Variants in SFI1 observed in about 807,000 individuals in gnomAD.
The protein encoded by SFI1 is SFI1 centrin binding protein.
SFI1 carries 195 observed loss-of-function variants against 207.5 expected under a neutral mutation model. That is an observed-to-expected ratio of 0.94 (90% CI 0.84 to 1.06). SFI1 has a LOEUF of 1.06. Ranked by LOEUF, SFI1 falls within the 50% of genes least tolerant of loss-of-function variation. SFI1 has a pLI of 0.00. For synonymous variants in SFI1, 630 were observed against 598.9 expected (o/e 1.05, Z -0.76); for missense variants, 1,634 against 1,588.0 (o/e 1.03, Z -0.49).
intron 1 of SFI1, chr22:31,497,201 G>A (rs935155836): frequency 1.3e-5 from 2 of 152,200 alleles, no homozygotes; most frequent in African/African-American, 4.8e-5. Context: ...AATGAATGAT[G>A]TGAGGGACTT....
Position 31,573,048 on chromosome 22 carries a change from T to C in SFI1, c.766-10T>C. ...TCTCCTTTGACTGTTGCCTCTTCTCTGGTTTTCAGGCTTGGTCACAGTGGC... is the reference window on the plus strand; with the variant it reads ...TCTCCTTTGACTGTTGCCTCTTCTCCGGTTTTCAGGCTTGGTCACAGTGGC... On this transcript the variant is annotated splice_polypyrimidine_tract_variant and intron_variant, in intron 8 of 32. Coordinates refer to ENST00000400288, the MANE Select transcript of SFI1 (RefSeq NM_001007467.3). The C allele has an allele frequency of 1.2e-6, 2 of 1,612,800 alleles. No individual in the cohort carries two copies. The highest frequency in any genetic ancestry group is 1.7e-6 in the Non-Finnish European group (2 of 1,179,220).
intron 20 of SFI1, 109 bp downstream of exon 20, chr22:31,605,054 GT>G (rs2068739607): frequency 1.1e-6 from 1 of 910,670 alleles, no homozygotes; most frequent in African/African-American, 1.7e-5. Flanking sequence ...ATGATCCCGG[GT>G]TCCTAGTCGC....
At chr22:31,604,074 C>T (rs2068552895) in intron 18 of SFI1, among the ~76,000 whole-genome samples, 2 of 152,188 alleles carry the variant, frequency 1.3e-5, no homozygotes, top group Admixed American at 6.5e-5. Flanking sequence ...TACAGGAGTC[C>T]TACGTCCTAC....
At chr22:31,568,531 CAAAAAA>C (rs60447566) in intron 8 of SFI1, among the ~76,000 whole-genome samples, 8 of 37,432 alleles carry the variant, frequency 2.1e-4, no homozygotes, top group Non-Finnish European at 4.0e-4. Flanking sequence ...GACCCTGTCT[CAAAAAA>C]AAAAAAAAAA....
At chr22:31,602,462 C>T (rs2068276674) in intron 16 of SFI1, 145 bp from the exon 17 acceptor site, 18 of 1,136,468 alleles carry the variant, frequency 1.6e-5, no homozygotes, top group African/African-American at 1.5e-5. Context: ...TCAGTGGAGC[C>T]TACAGACAGC....
At position 31,611,151 on chromosome 22, in the gene SFI1, C is replaced by T. The variant is rs145181683; in HGVS notation, c.2263C>T (p.Arg755Trp). ...ACTTGGATCTGCCTTAGGCTGTCTGCGGACCTGGTTTCAGCGCTGGTGGGA... is the reference window on the plus strand; with the variant it reads ...ACTTGGATCTGCCTTAGGCTGTCTGTGGACCTGGTTTCAGCGCTGGTGGGA... ...AQKVLDRGCLRTWFQRWWDCS... is the reference protein window; with the variant it reads ...AQKVLDRGCLWTWFQRWWDCS... Residue 755 changes from arginine (R) to tryptophan (W), a missense_variant, in exon 23 of 33, where the codon CGG (arginine) becomes TGG (tryptophan). Physicochemically the swap from Arg to Trp is moderately radical, Grantham distance 101 (BLOSUM62 -3). Coordinates refer to ENST00000400288, the MANE Select transcript of SFI1 (RefSeq NM_001007467.3). 5.3e-3 allele frequency: 8,592 copies of T among 1,614,190 alleles called. 640 individuals carry two copies. The Admixed American group carries it at 0.13, about 24-fold the overall frequency.
At position 31,545,545 on chromosome 22, in the gene SFI1, T is replaced by TTTTAA. The variant is rs199762639; in HGVS notation, c.339-1277_339-1273dup. On this transcript the variant is annotated intron_variant, in intron 4 of 32. Transcript: ENST00000400288. ...CTTATTTTTTGGGTAGAGATGGAGTTTTTAATTTAATTTAATTTAATTTAA... is the reference window on the plus strand; with the variant it reads ...CTTATTTTTTGGGTAGAGATGGAGTTTTTAATTTAATTTAATTTAATTTAATTTAA... Among the ~76,000 whole-genome samples the TTTTAA allele has an allele frequency of 6.8e-3, 909 of 134,348 alleles. 6 individuals are homozygous for TTTTAA. Among genetic ancestry groups the TTTTAA allele is most frequent in the African/African-American group, 0.021 (674 of 32,400 alleles). 88.1% of individuals were successfully genotyped at this position (134,348 alleles called of 152,430 possible).
rs568512500 is a variant in SFI1, at chr22:31,516,756, A to G, written c.92+8380A>G. On this transcript the variant is annotated intron_variant, in intron 2 of 32. Transcript: ENST00000400288. The stretch of plus-strand genomic sequence containing the variant: ...GATCACCTGAGGTCGGGAGTTCGAG[A>G]CCAGCCTGACCAACATGGAGAAACC... Among the ~76,000 whole-genome samples the G allele has an allele frequency of 4.1e-3, 616 of 151,788 alleles. 4 individuals carry two copies. The highest frequency in any genetic ancestry group is 0.014 in the African/African-American group (567 of 41,342).
intron 13 of SFI1, among the ~76,000 whole-genome samples, chr22:31,584,440 A>G (rs986310847): frequency 2.6e-5 from 4 of 152,186 alleles, no homozygotes; most frequent in East Asian, 1.9e-4. Context: ...GGGAAAAATA[A>G]AAGTTGCCTG....
At chr22:31,552,909 G>C (rs1360519436) in intron 6 of SFI1, among the ~76,000 whole-genome samples, 4 of 151,318 alleles carry the variant, frequency 2.6e-5, no homozygotes, top group Non-Finnish European at 5.9e-5. Context: ...CAGTGGCTTG[G>C]TCATAGCTCA....
At chr22:31,572,882 T>TA in intron 8 of SFI1, 176 bp from the exon 9 acceptor site, 1 of 539,934 alleles carries the variant, frequency 1.9e-6, no homozygotes, top group South Asian at 3.7e-5. Context: ...ATGTCCCTCT[T>TA]AAAGACCCTT....
chr22:31,611,087 G>A, intron 22 of SFI1, 56 bp from the exon 23 acceptor site: 1 of 1,606,636 alleles, frequency 6.2e-7, no homozygotes, highest in Non-Finnish European at 8.5e-7. Flanking sequence ...TCACCATTAT[G>A]TAGTCACTGG....
At chr22:31,594,584 G>A (rs1280584798) in intron 15 of SFI1, among the ~76,000 whole-genome samples, 1 of 142,942 alleles carries the variant, frequency 7.0e-6, no homozygotes, top group Non-Finnish European at 1.5e-5. Context: ...GGCCGGGCCT[G>A]GTGGCTCATG....
intron 13 of SFI1, among the ~76,000 whole-genome samples, 195 bp from the exon 14 acceptor site, chr22:31,584,873 A>T (rs1321022663): frequency 6.6e-6 from 1 of 152,140 alleles, no homozygotes; most frequent in Non-Finnish European, 1.5e-5. Context: ...CATTTTAGGC[A>T]ATCCACAGTC....
chr22:31,534,587 A>G (rs142595356), intron 4 of SFI1, among the ~76,000 whole-genome samples: 1,987 of 152,192 alleles, frequency 0.013, 38 homozygotes, highest in Non-Finnish European at 0.014. Flanking sequence ...TTCACTGGGT[A>G]TGAAAGTCTG....
At chr22:31,614,630 G>T in intron 27 of SFI1, 159 bp from the exon 28 acceptor site, 1 of 773,390 alleles carries the variant, frequency 1.3e-6, no homozygotes, top group Non-Finnish European at 2.3e-6. Context: ...GAACTGCTGG[G>T]AGCTCTATGG....
chr22:31,582,236 A>ATTTTTTTTTTTTTT (rs1161846940), intron 12 of SFI1, among the ~76,000 whole-genome samples: 3 of 10,140 alleles, frequency 3.0e-4, no homozygotes, highest in Non-Finnish European at 3.5e-4. Flanking sequence ...ATATATATAT[A>ATTTTTTTTTTTTTT]TTTTTTTTTT....
In SFI1 at chr22:31,613,199, T is replaced by G. The variant is rs758903734; in HGVS notation, c.2548T>G (p.Phe850Val). Residue 850 changes from phenylalanine to valine, a missense_variant, in exon 25 of 33, where the codon TTC (phenylalanine) becomes GTC (valine). Coordinates refer to ENST00000400288, the MANE Select transcript of SFI1 (RefSeq NM_001007467.3). ...AGTGCGGGCCCTGTGGTTCTGGGCCTTCTCGCTGCAGGCAAAGGTAATTGG... is the reference window on the plus strand; with the variant it reads ...AGTGCGGGCCCTGTGGTTCTGGGCCGTCTCGCTGCAGGCAAAGGTAATTGG... ...ATVRALWFWA[F>V]SLQAKVWATW... The G allele has an allele frequency of 1.2e-6, 2 of 1,613,866 alleles. No homozygotes were observed. Among genetic ancestry groups the G allele is most frequent in the South Asian group, 1.1e-5 (1 of 91,084 alleles).
chr22:31,578,542 A>G (rs2146020886), intron 11 of SFI1, 90 bp downstream of exon 11: 1 of 1,182,502 alleles, frequency 8.5e-7, no homozygotes, highest in South Asian at 1.5e-5. Context: ...CACCTTCATT[A>G]AATGCAGTCA....
Sources: gnomAD v4.1 joint callset for allele counts (sites outside exome capture counted in the v4.1 genomes callset) on GRCh38, gnomAD v4.1.1 for gene constraint, MANE v1.5 for transcripts, NCBI Gene and HGNC (gene_info 2026-07-23, HGNC 2026-07-21) for gene names.